NF1: variants seen among roughly 807,000 people sequenced by gnomAD.
NF1 encodes the protein neurofibromin 1, also known as neurofibromin.
NF1 carries 122 observed loss-of-function variants against 325.7 expected under a neutral mutation model. That is an observed-to-expected ratio of 0.37 (90% CI 0.32 to 0.44). NF1 has a LOEUF of 0.44. Ranked by LOEUF, NF1 falls within the 20% of genes least tolerant of loss-of-function variation. NF1 has a pLI of 1.00. For missense variants in NF1, 2,140 were observed against 3,415.4 expected, an observed-to-expected ratio of 0.63 and a Z score of 9.31; for synonymous variants, 1,091 against 1,186.0, an observed-to-expected ratio of 0.92 and a Z score of 1.65.
chr17:31,135,412 G>A (rs1333420888), intron 1 of NF1, among the ~76,000 whole-genome samples: 2 of 151,724 alleles, frequency 1.3e-5, no homozygotes, highest in African/African-American at 4.8e-5. Context: ...TTCTGTGCCT[G>A]TATGCTTTAT....
chr17:31,235,505 G>C, intron 27 of NF1, 106 bp from the exon 28 acceptor site: 2 of 1,137,842 alleles, frequency 1.8e-6, no homozygotes. Flanking sequence ...CCTTAATTTA[G>C]CAAGTGGTTG....
At chr17:31,329,225 T>C (rs1423976790) in intron 38 of NF1, among the ~76,000 whole-genome samples, 1 of 152,224 alleles carries the variant, frequency 6.6e-6, no homozygotes, top group Non-Finnish European at 1.5e-5. Flanking sequence ...AACACTAATT[T>C]TCACATTTTA....
At chr17:31,208,258 GT>G (rs2066659060) in intron 12 of NF1, among the ~76,000 whole-genome samples, 1 of 152,058 alleles carries the variant, frequency 6.6e-6, no homozygotes, top group African/African-American at 2.4e-5. Context: ...AGCTGTTTAT[GT>G]TTTTGAAATG....
chr17:31,106,614 A>G (rs1276154603), intron 1 of NF1, among the ~76,000 whole-genome samples: 1 of 152,180 alleles, frequency 6.6e-6, no homozygotes, highest in African/African-American at 2.4e-5. Flanking sequence ...ATGGTATATT[A>G]TGTTTTTCCT....
intron 1 of NF1, among the ~76,000 whole-genome samples, chr17:31,134,826 A>G (rs1471410753): frequency 6.6e-6 from 1 of 152,178 alleles, no homozygotes; most frequent in Non-Finnish European, 1.5e-5. Flanking sequence ...ATCTGAGAGA[A>G]TCAAAAGCCA....
At chr17:31,114,860 A>G (rs1233121841) in intron 1 of NF1, among the ~76,000 whole-genome samples, 1 of 152,206 alleles carries the variant, frequency 6.6e-6, no homozygotes, top group South Asian at 2.1e-4. Context: ...TCTCAAAAAA[A>G]GAAAAAAAAG....
intron 36 of NF1, among the ~76,000 whole-genome samples, chr17:31,293,630 C>G (rs1017226093): frequency 6.6e-6 from 1 of 152,104 alleles, no homozygotes; most frequent in Non-Finnish European, 1.5e-5. Context: ...TGTTCCTAAA[C>G]CAGCAAAGGA....
intron 1 of NF1, among the ~76,000 whole-genome samples, chr17:31,103,883 A>G (rs1793725122): frequency 6.6e-6 from 1 of 152,012 alleles, no homozygotes; most frequent in African/African-American, 2.4e-5. Context: ...AAAAAAACAG[A>G]CAAATTAGCC....
At chr17:31,128,971 T>C (rs1249865489) in intron 1 of NF1, among the ~76,000 whole-genome samples, 1 of 152,116 alleles carries the variant, frequency 6.6e-6, no homozygotes, top group Non-Finnish European at 1.5e-5. Context: ...CAATCTCTTC[T>C]GACTTGTATA....
At chr17:31,200,620 T>C (rs112164060) in intron 9 of NF1, 25 bp downstream of exon 9, 1 of 1,609,996 alleles carries the variant, frequency 6.2e-7, no homozygotes, top group Non-Finnish European at 8.5e-7. Context: ...CTTTCTCTAC[T>C]ACAAACTTTA....
chr17:31,337,123 C>T (rs2069696887), intron 42 of NF1, among the ~76,000 whole-genome samples: 1 of 152,174 alleles, frequency 6.6e-6, no homozygotes, highest in African/African-American at 2.4e-5. Context: ...GCATACTTGT[C>T]ATGTAGAGTT....
intron 36 of NF1, among the ~76,000 whole-genome samples, chr17:31,309,994 C>A (rs1316821047): frequency 6.6e-6 from 1 of 151,894 alleles, no homozygotes; most frequent in Non-Finnish European, 1.5e-5. Context: ...TCAGTGTAGT[C>A]CAGAGAAGGA....
intron 1 of NF1, among the ~76,000 whole-genome samples, chr17:31,114,950 A>G (rs1239341943): frequency 6.6e-6 from 1 of 152,228 alleles, no homozygotes; most frequent in Non-Finnish European, 1.5e-5. Flanking sequence ...GCTCTTATAT[A>G]TATAGGTTTA....
At chr17:31,337,299 G>A (rs2069701299) in intron 42 of NF1, 69 bp from the exon 43 acceptor site, 2 of 1,291,434 alleles carry the variant, frequency 1.5e-6, no homozygotes, top group Non-Finnish European at 2.2e-6. Context: ...AATTCAAAAT[G>A]AAACATGGAA....
chr17:31,351,344 A>G (rs2070137547), intron 50 of NF1, among the ~76,000 whole-genome samples: 1 of 152,204 alleles, frequency 6.6e-6, no homozygotes, highest in Non-Finnish European at 1.5e-5. Context: ...AGATAAATAT[A>G]TGAGGTAACA....
intron 57 of NF1, among the ~76,000 whole-genome samples, chr17:31,365,956 A>G (rs896660913): frequency 5.6e-5 from 8 of 143,320 alleles, no homozygotes; most frequent in African/African-American, 2.1e-4. Flanking sequence ...TTTTTTTGAG[A>G]TGGAGTCTTG....
At chr17:31,369,754 A>G (rs1324742293) in intron 57 of NF1, among the ~76,000 whole-genome samples, 1 of 152,212 alleles carries the variant, frequency 6.6e-6, no homozygotes, top group African/African-American at 2.4e-5. Flanking sequence ...TTCTGTCTGC[A>G]TTGGAGTGGT....
chr17:31,125,617 A>C (rs1041597714), intron 1 of NF1, among the ~76,000 whole-genome samples: 3 of 151,808 alleles, frequency 2.0e-5, no homozygotes, highest in Non-Finnish European at 4.4e-5. Context: ...ACTCACTGCA[A>C]CCTCTGCCTC....
chr17:31,258,286 T>TAACA, intron 31 of NF1, 58 bp from the exon 32 acceptor site: 2 of 1,595,388 alleles, frequency 1.3e-6, no homozygotes, highest in Non-Finnish European at 1.7e-6. Flanking sequence ...AACTCTTTGT[T>TAACA]TTCATGTCTT....
Sources: allele counts gnomAD v4.1 joint callset (sites outside exome capture counted in the v4.1 genomes callset), GRCh38; gene constraint gnomAD v4.1.1; transcripts MANE v1.5; gene names NCBI Gene and HGNC (gene_info 2026-07-23, HGNC 2026-07-21).